Variants in EHBP1 observed in about 807,000 individuals in gnomAD.
EHBP1 encodes the protein EH domain-binding protein 1.
EHBP1 carries 55 observed loss-of-function variants against 144.0 expected under a neutral mutation model. That is an observed-to-expected ratio of 0.38 (90% CI 0.31 to 0.48). The LOEUF (loss-of-function observed/expected upper bound fraction) is 0.48. Among genes scored for constraint, EHBP1 ranks in the 20% least tolerant of loss-of-function variants. The pLI is 0.98. For synonymous variants in EHBP1, 469 were observed against 472.7 expected (o/e 0.99, Z 0.10); for missense variants, 1,200 against 1,364.2 (o/e 0.88, Z 1.90).
At position 62,942,888 on chromosome 2, in the gene EHBP1, A is replaced by G. The variant is rs1237871575; in HGVS notation, c.1356A>G (p.Pro452=). The change falls in exon 11 of 23, where the codon CCA becomes CCG. Residue 452 remains proline (P), a synonymous_variant. Transcript: ENST00000431489. ...GTGCAATATTACACCACTTTAGACC[A>G]GATTTAATGTAAGTAGAAACATTTT... ...SFCAILHHFR[P]DLIDYKSLNP... is the part of the protein sequence containing the mutation. The G allele has an allele frequency of 6.3e-7, 1 of 1,587,728 alleles. No homozygotes were observed. The highest frequency in any genetic ancestry group is 1.7e-5 in the Admixed American group (1 of 57,254).
chr2:62,955,734 T>G, intron 14 of EHBP1, 74 bp downstream of exon 14: 3 of 1,490,146 alleles, frequency 2.0e-6, no homozygotes, highest in Non-Finnish European at 2.7e-6. Context: ...AATTTGCTTG[T>G]ATTTCTGCTA....
intron 14 of EHBP1, among the ~76,000 whole-genome samples, chr2:62,975,917 C>CACAT (rs1458098121): frequency 6.6e-6 from 1 of 151,142 alleles, no homozygotes; most frequent in Non-Finnish European, 1.5e-5. Flanking sequence ...CACACACACA[C>CACAT]ACACACACAC....
intron 3 of EHBP1, among the ~76,000 whole-genome samples, chr2:62,750,617 G>A (rs752063755): frequency 2.8e-4 from 42 of 152,210 alleles, no homozygotes; most frequent in Non-Finnish European, 5.4e-4. Flanking sequence ...ATCCATGAGC[G>A]TGGAATGTTC....
intron 10 of EHBP1, among the ~76,000 whole-genome samples, chr2:62,889,926 A>G (rs1203838466): frequency 1.4e-5 from 2 of 144,440 alleles, no homozygotes; most frequent in African/African-American, 5.1e-5. Flanking sequence ...TGCCTTCGCT[A>G]TTCAGGATAG....
chr2:62,870,238 A>C (rs2050353850), intron 9 of EHBP1, among the ~76,000 whole-genome samples: 1 of 152,184 alleles, frequency 6.6e-6, no homozygotes. Flanking sequence ...TATTTTAAGC[A>C]CTATTTGACT....
upstream of EHBP1, among the ~76,000 whole-genome samples, chr2:62,704,517 A>G (rs1048613461): frequency 1.3e-5 from 2 of 152,194 alleles, no homozygotes; most frequent in African/African-American, 4.8e-5. Context: ...GTAAGATTGA[A>G]TGATCCTTGT....
intron 13 of EHBP1, among the ~76,000 whole-genome samples, chr2:62,950,981 G>T: frequency 6.6e-6 from 1 of 152,096 alleles, no homozygotes; most frequent in Non-Finnish European, 1.5e-5. Context: ...CACCGCGCCC[G>T]GCCCGAACCT....
chr2:62,783,076 T>C (rs1412379736), intron 5 of EHBP1, among the ~76,000 whole-genome samples: 1 of 152,172 alleles, frequency 6.6e-6, no homozygotes, highest in Non-Finnish European at 1.5e-5. Flanking sequence ...ACAGGCCATA[T>C]GCAAGTCCAA....
At chr2:62,827,999 G>C (rs767617956) in intron 6 of EHBP1, among the ~76,000 whole-genome samples, 6 of 152,156 alleles carry the variant, frequency 3.9e-5, no homozygotes, top group Admixed American at 6.5e-5. Context: ...ATGACATTTT[G>C]AAATTGTCTC....
intron 19 of EHBP1, among the ~76,000 whole-genome samples, chr2:62,998,965 C>T (rs970675089): frequency 6.6e-6 from 1 of 152,070 alleles, no homozygotes; most frequent in African/African-American, 2.4e-5. Context: ...TGAAAGGGTA[C>T]ATTCATCCTT....
chr2:62,770,677 A>T (rs1022861815), intron 4 of EHBP1, among the ~76,000 whole-genome samples: 3 of 152,208 alleles, frequency 2.0e-5, no homozygotes, highest in Non-Finnish European at 4.4e-5. Context: ...AGAGGACTAT[A>T]AATCATTCTG....
At chr2:62,696,496 C>T (rs796106707) in intron 1 of EHBP1, among the ~76,000 whole-genome samples, 40 of 122,928 alleles carry the variant, frequency 3.3e-4, no homozygotes, top group South Asian at 5.2e-4. Context: ...CTTTTCTTTT[C>T]TTTTTTTTCT....
chr2:62,944,172 T>C (rs930721645), intron 12 of EHBP1, among the ~76,000 whole-genome samples: 3 of 152,230 alleles, frequency 2.0e-5, no homozygotes, highest in South Asian at 2.1e-4. Flanking sequence ...ATAGTTGTTA[T>C]GTAAGTTTAG....
chr2:62,978,340 A>G (rs1363749704), intron 14 of EHBP1, among the ~76,000 whole-genome samples: 1 of 151,734 alleles, frequency 6.6e-6, no homozygotes, highest in Non-Finnish European at 1.5e-5. Flanking sequence ...AGCTGGGACT[A>G]CAGGCACGTG....
At chr2:62,704,860 C>T (rs889197172), upstream of EHBP1, among the ~76,000 whole-genome samples, 3 of 152,100 alleles carry the variant, frequency 2.0e-5, no homozygotes, top group Non-Finnish European at 4.4e-5. Flanking sequence ...ATTGAGTGTC[C>T]CTGCCCTCAC....
chr2:62,940,126 GA>G, intron 10 of EHBP1: 1 of 413,046 alleles, frequency 2.4e-6, no homozygotes, highest in African/African-American at 2.1e-5. Flanking sequence ...ATCACTACAA[GA>G]AAAACGCCTG....
chr2:62,800,461 T>C (rs750213464), intron 5 of EHBP1, among the ~76,000 whole-genome samples: 15 of 152,174 alleles, frequency 9.9e-5, no homozygotes, highest in Non-Finnish European at 1.8e-4. Flanking sequence ...ATTCCAGGAC[T>C]GTATCCTAAG....
At chr2:62,692,199 G>C (rs360795) in intron 1 of EHBP1, among the ~76,000 whole-genome samples, 23,785 of 152,182 alleles carry the variant, frequency 0.16, 2,131 homozygotes, top group Middle Eastern at 0.24. Context: ...GTTATAGCGT[G>C]AATCAATGCT....
intron 10 of EHBP1, among the ~76,000 whole-genome samples, chr2:62,924,537 C>T (rs548833144): frequency 2.4e-4 from 37 of 152,128 alleles, no homozygotes; most frequent in African/African-American, 8.7e-4. Context: ...ACAACAGATA[C>T]CACAGAAATA....
Sources: gnomAD v4.1 joint callset for allele counts (sites outside exome capture counted in the v4.1 genomes callset) on GRCh38, gnomAD v4.1.1 for gene constraint, MANE v1.5 for transcripts, NCBI Gene and HGNC (gene_info 2026-07-23, HGNC 2026-07-21) for gene names.